CCT5: variants seen among roughly 807,000 people sequenced by gnomAD.
CCT5 encodes T-complex protein 1 subunit epsilon.
A neutral mutation model predicts 55.0 loss-of-function variants in CCT5; 6 were observed. The ratio of observed to expected loss-of-function variants is 0.11; its 90% CI spans 0.06 to 0.22. CCT5 has a LOEUF of 0.22. Ranked by LOEUF, CCT5 falls within the 10% of genes least tolerant of loss-of-function variation. CCT5 has a pLI of 1.00. For synonymous variants in CCT5, 231 were observed against 243.7 expected (o/e 0.95, Z 0.49); for missense variants, 560 against 694.6 (o/e 0.81, Z 2.18).
chr5:10,256,318 A>G (rs557109818), intron 4 of CCT5, among the ~76,000 whole-genome samples, 165 bp downstream of exon 4: 2 of 152,372 alleles, frequency 1.3e-5, no homozygotes, highest in East Asian at 1.9e-4. Flanking sequence ...AGACAGATGC[A>G]TTTTGTATTT....
At position 10,254,723 on chromosome 5, in the gene CCT5, T is replaced by C; in HGVS notation, c.216T>C (p.Asn72=). 6.2e-7 allele frequency: 1 copy of C among 1,613,612 alleles called. No homozygotes were observed. Among genetic ancestry groups the C allele is most frequent in the Middle Eastern group, 1.7e-4 (1 of 6,060 alleles). ...VDKDGDVTVT[N]DGATILSMMD... ...AGGATGGAGATGTGACTGTAACTAA[T>C]GATGGGGCCACCATCTTAAGCATGA... The change falls in exon 3 of 11, where the codon AAT becomes AAC. Residue 72 remains asparagine (N), a synonymous_variant. Coordinates refer to ENST00000280326, the MANE Select transcript of CCT5 (RefSeq NM_012073.5).
chr5:10,261,807 G>T (rs1200510282), intron 8 of CCT5, 62 bp downstream of exon 8: 1 of 1,351,946 alleles, frequency 7.4e-7, no homozygotes, highest in African/African-American at 1.4e-5. Flanking sequence ...TGGCTTTTTT[G>T]CCTGTGTGTA....
rs779193466 is a variant in CCT5 at position 10,264,824 on chromosome 5, TTAAG to T, written c.*45_*48del. ...TATGTAGCAAGATCCACTTCTGTGA[TTAAG>T]TAAATGGATGTCTCGTGATGCATCT... On this transcript the variant is annotated 3_prime_UTR_variant, in exon 11 of 11. Coordinates refer to ENST00000280326, the MANE Select transcript of CCT5 (RefSeq NM_012073.5). 4.3e-6 allele frequency: 7 copies of T among 1,610,248 alleles called. No homozygotes were observed. The South Asian group carries it at 7.7e-5, about 18-fold the overall frequency.
chr5:10,258,188 A>C lies in CCT5; in HGVS notation c.608A>C (p.Asp203Ala). The C allele has an allele frequency of 6.2e-7, 1 of 1,614,202 alleles. No homozygotes were observed. Among genetic ancestry groups the C allele is most frequent in the Non-Finnish European group, 8.5e-7 (1 of 1,180,020 alleles). The change falls in exon 5 of 11, where the codon GAC becomes GCC. Residue 203 changes from aspartate to alanine, a missense_variant. Physicochemically the swap from Asp to Ala is moderately radical, Grantham distance 126. Coordinates refer to ENST00000280326, the MANE Select transcript of CCT5 (RefSeq NM_012073.5). The stretch of plus-strand genomic sequence containing the variant: ...ACTGTAGCAGATATGGAGCGGAGAG[A>C]CGTTGACTTTGAGCTTATCAAAGTA... Reference protein sequence around the residue: ...VLTVADMERRDVDFELIKVEG... With the variant: ...VLTVADMERRAVDFELIKVEG...
chr5:10,249,980 A>C, upstream of CCT5: 1 of 1,547,224 alleles, frequency 6.5e-7, no homozygotes, highest in Non-Finnish European at 8.7e-7. Flanking sequence ...GTGCGAAGAA[A>C]TAAAGAAATA....
rs762408037 is a variant in CCT5, at chr5:10,258,156, C to T, written c.576C>T (p.Ala192=). ...HRQMAEIAVN[A]VLTVADMERR... is the part of the protein sequence containing the mutation. ...AGATGGCTGAGATTGCTGTGAATGCCGTCCTCACTGTAGCAGATATGGAGC... is the reference window on the plus strand; with the variant it reads ...AGATGGCTGAGATTGCTGTGAATGCTGTCCTCACTGTAGCAGATATGGAGC... Residue 192 remains alanine (A), a synonymous_variant, in exon 5 of 11, where the codon GCC becomes GCT. Transcript: ENST00000280326. 11 of 1,614,156 alleles carry T rather than the reference C, an allele frequency of 6.8e-6. No individual in the cohort carries two copies. Among genetic ancestry groups the T allele is most frequent in the Admixed American group, 3.3e-5 (2 of 60,012 alleles).
At chr5:10,256,182 C>T in intron 4 of CCT5, 29 bp downstream of exon 4, 2 of 1,589,822 alleles carry the variant, frequency 1.3e-6, no homozygotes, top group Non-Finnish European at 1.7e-6. Flanking sequence ...TATGATTACC[C>T]ATTTGTAGAG....
At chr5:10,250,745 G>T (rs1202527379) in intron 1 of CCT5, 3 of 1,247,106 alleles carry the variant, frequency 2.4e-6, no homozygotes, top group Non-Finnish European at 3.0e-6. Flanking sequence ...TCCCCGCCCG[G>T]CTCCTCCAGC....
At chr5:10,259,607 C>T (rs982412096) in intron 6 of CCT5, among the ~76,000 whole-genome samples, 1 of 152,170 alleles carries the variant, frequency 6.6e-6, no homozygotes, top group African/African-American at 2.4e-5. Context: ...GAGCAGTGCC[C>T]CTGGGGGAGG....
In CCT5 at chr5:10,263,033, G is replaced by A. The variant is rs79384485; in HGVS notation, c.1318-101G>A. Reference sequence around the variant, plus strand: ...ACAGCCTGTTCTTACAATTCTTTGTGAGCTGACTTTTCAAAGTATGTGATA... The same window carrying A: ...ACAGCCTGTTCTTACAATTCTTTGTAAGCTGACTTTTCAAAGTATGTGATA... On this transcript the variant is annotated intron_variant, in intron 9 of 10. Coordinates refer to ENST00000280326, the MANE Select transcript of CCT5 (RefSeq NM_012073.5). 2.4e-3 allele frequency: 2,241 copies of A among 952,502 alleles called. 34 individuals carry two copies. In the African/African-American group the frequency reaches 0.032, roughly 14 times the overall value. The allele number at this position is 952,502 out of a possible 1,614,324, so 59.0% of individuals were successfully genotyped here.
intron 8 of CCT5, 158 bp downstream of exon 8, chr5:10,261,903 G>A: frequency 1.4e-6 from 1 of 717,448 alleles, no homozygotes; most frequent in Non-Finnish European, 2.5e-6. Context: ...TGAAGACCAT[G>A]TTAAATTGTT....
At chr5:10,251,325 A>C (rs2126491721) in intron 1 of CCT5, among the ~76,000 whole-genome samples, 1 of 152,312 alleles carries the variant, frequency 6.6e-6, no homozygotes, top group African/African-American at 2.4e-5. Flanking sequence ...CAGGCAGCAA[A>C]GCTTGAGATA....
chr5:10,250,748 C>T (rs557016419), intron 1 of CCT5: 7 of 1,240,912 alleles, frequency 5.6e-6, no homozygotes, highest in East Asian at 4.1e-5. Flanking sequence ...CCGCCCGGCT[C>T]CTCCAGCCTG....
chr5:10,250,660 CTG>C (rs1745342151), intron 1 of CCT5: 1 of 1,412,928 alleles, frequency 7.1e-7, no homozygotes. Context: ...GCCAGCCAGG[CTG>C]GGCCGCCAGC....
intron 8 of CCT5, chr5:10,262,131 C>T (rs946549062): frequency 7.5e-6 from 3 of 397,836 alleles, no homozygotes; most frequent in African/African-American, 4.1e-5. Context: ...CCAAGGATGA[C>T]TTACATCTGT....
upstream of CCT5, chr5:10,250,252 CT>C: frequency 3.1e-6 from 5 of 1,597,042 alleles, no homozygotes; most frequent in Non-Finnish European, 3.4e-6. Flanking sequence ...CGTGCGCAAG[CT>C]TTTGGGCCCT....
chr5:10,258,686 T>C lies in CCT5; in HGVS notation c.873+151T>C, dbSNP rs1037664478. On this transcript the variant is annotated intron_variant, in intron 6 of 10. Coordinates refer to ENST00000280326, the MANE Select transcript of CCT5 (RefSeq NM_012073.5). ...ATAGAAAGGCATAAACAGGGAAGAA[T>C]TCTAATTTTGTCTTAAAATGGTAGC... 6 of 756,454 alleles carry C rather than the reference T, an allele frequency of 7.9e-6. No homozygotes were observed. In the Admixed American group the frequency reaches 8.8e-5, roughly 11 times the overall value. The allele number at this position is 756,454 out of a possible 1,614,324, so 46.9% of individuals were successfully genotyped here. A position where few individuals can be genotyped will look rare whatever the true frequency, so the allele number is the denominator to read the frequency against.
At chr5:10,262,263 G>T in intron 8 of CCT5, 1 of 560,892 alleles carries the variant, frequency 1.8e-6, no homozygotes, top group Non-Finnish European at 3.2e-6. Context: ...ACTCTTGCTT[G>T]ACCGTGTATC....
intron 4 of CCT5, among the ~76,000 whole-genome samples, chr5:10,257,604 C>T (rs1001105854): frequency 1.3e-5 from 2 of 152,090 alleles, no homozygotes; most frequent in Non-Finnish European, 2.9e-5. Flanking sequence ...AAGGTAACAC[C>T]CTCCATCTAT....
Sources: allele counts gnomAD v4.1 joint callset (sites outside exome capture counted in the v4.1 genomes callset), GRCh38; gene constraint gnomAD v4.1.1; transcripts MANE v1.5; gene names NCBI Gene and HGNC (gene_info 2026-07-23, HGNC 2026-07-21).